XK: variants seen among roughly 807,000 people sequenced by gnomAD.
XK encodes endoplasmic reticulum membrane adapter protein XK.
Under a neutral mutation model 14.0 loss-of-function variants are expected in XK, and 2 were observed. The ratio of observed to expected loss-of-function variants is 0.14; its 90% CI spans 0.06 to 0.45. The LOEUF is 0.45. Among genes scored for constraint, XK ranks in the 20% least tolerant of loss-of-function variants. The probability of loss-of-function intolerance (pLI) is 0.98; values close to 1 mark genes in which losing one functional copy is unlikely to be tolerated. For missense variants in XK, 235 were observed against 341.5 expected (o/e 0.69, Z 2.46); for synonymous variants, 149 against 147.5 (o/e 1.01, Z -0.08).
Position 37,692,972 on chromosome X carries a change from A to C in XK, c.246-1314A>C, listed in dbSNP as rs868950118. Among the ~76,000 whole-genome samples, 156 of 107,785 alleles carry C rather than the reference A, an allele frequency of 1.4e-3. 1 individual carries two copies. The highest frequency in any genetic ancestry group is 4.1e-3 in the African/African-American group (122 of 29,478). The allele number at this position is 107,785 out of a possible 115,157, so 93.6% of individuals were successfully genotyped here. A position where few individuals can be genotyped will look rare whatever the true frequency, so the allele number is the denominator to read the frequency against. On this transcript the variant is annotated intron_variant, in intron 1 of 2. Coordinates refer to ENST00000378616, the MANE Select transcript of XK (RefSeq NM_021083.4). ...GTCGTACACAAATCAACCCCCCCCC[A>C]CACACACACCCACACACACCATACA...
chrX:37,727,448 G>A (rs782166332), intron 2 of XK, among the ~76,000 whole-genome samples, 188 bp from the exon 3 acceptor site: 1 of 111,365 alleles, frequency 9.0e-6, no homozygotes, highest in Non-Finnish European at 1.9e-5. Context: ...GCACCTGGAT[G>A]CAGCAGCTTT....
chrX:37,688,057 TTC>T (rs1479762999), intron 1 of XK, among the ~76,000 whole-genome samples: 963 of 62,133 alleles, frequency 0.015, 31 homozygotes, highest in African/African-American at 0.086. Context: ...CTTTCTTTCT[TTC>T]TTTTTTTTTT....
intron 2 of XK, among the ~76,000 whole-genome samples, chrX:37,709,291 T>A (rs1202760759): frequency 1.8e-5 from 2 of 112,389 alleles, no homozygotes; most frequent in African/African-American, 6.5e-5. Context: ...TCTTCAGTTA[T>A]CTAAAGATTT....
At chrX:37,707,466 G>A (rs1927558772) in intron 2 of XK, among the ~76,000 whole-genome samples, 3 of 106,501 alleles carry the variant, frequency 2.8e-5, no homozygotes, top group African/African-American at 1.0e-4. Flanking sequence ...GCTGCCGGGC[G>A]CAGGGGCTCC....
Position 37,727,918 on chromosome X carries a change from C to A in XK, c.791C>A (p.Pro264His). 2.5e-6 allele frequency: 3 copies of A among 1,211,239 alleles called. No individual in the cohort carries two copies. The highest frequency in any genetic ancestry group is 3.4e-6 in the Non-Finnish European group (3 of 895,343). Residue 264 changes from proline to histidine, a missense_variant, in exon 3 of 3, where the codon CCT becomes CAT. By Grantham distance (77) the Pro-to-His change is moderately conservative. Transcript: ENST00000378616. ...TTCTGGTGCAGTGGTTCCCCATTCC[C>A]TGAGAACATAGAGAAGGCCCTCAGT... is the stretch of plus-strand genomic sequence containing the variant. The part of the protein sequence containing the change: ...ILFWCSGSPF[P>H]ENIEKALSRV...
chrX:37,725,324 G>A (rs781900634), intron 2 of XK, among the ~76,000 whole-genome samples: 35 of 111,748 alleles, frequency 3.1e-4, no homozygotes, highest in Non-Finnish European at 5.8e-4. Context: ...AGGTAACTAT[G>A]TGAGGTGATA....
intron 1 of XK, among the ~76,000 whole-genome samples, chrX:37,687,427 C>G (rs1226370300): frequency 9.1e-6 from 1 of 110,072 alleles, no homozygotes; most frequent in South Asian, 4.0e-4. Context: ...GCCATCATGC[C>G]TGGCTAATTT....
chrX:37,724,622 A>T (rs1296783511), intron 2 of XK, among the ~76,000 whole-genome samples: 4 of 111,556 alleles, frequency 3.6e-5, no homozygotes, highest in Non-Finnish European at 7.6e-5. Context: ...CAAAGGCATG[A>T]TCCATAAAAG....
chrX:37,686,223 A>C lies in XK; in HGVS notation c.245+17A>C. On this transcript the variant is annotated intron_variant, in intron 1 of 2. Coordinates refer to ENST00000378616, the MANE Select transcript of XK (RefSeq NM_021083.4). Reference sequence around the variant, plus strand: ...CCTTTTCAGGTGCGTGCAGAAGCCCAGAGCCAGCCCCAGGCCGCAGCCTCG... The same window carrying C: ...CCTTTTCAGGTGCGTGCAGAAGCCCCGAGCCAGCCCCAGGCCGCAGCCTCG... 8.3e-7 allele frequency: 1 copy of C among 1,204,441 alleles called. No individual in the cohort carries two copies. The highest frequency in any genetic ancestry group is 1.1e-6 in the Non-Finnish European group (1 of 894,128).
intron 2 of XK, among the ~76,000 whole-genome samples, chrX:37,699,303 T>C (rs1331888320): frequency 8.9e-6 from 1 of 112,282 alleles, no homozygotes; most frequent in Non-Finnish European, 1.9e-5. Flanking sequence ...TGGATCTCCA[T>C]TTGTCTTGGT....
In XK at chrX:37,690,445, A is replaced by G. The variant is rs1299322043; in HGVS notation, c.246-3841A>G. Among the ~76,000 whole-genome samples the G allele has an allele frequency of 4.4e-5, 5 of 112,525 alleles. No homozygotes were observed. In the Admixed American group the frequency reaches 4.7e-4, roughly 11 times the overall value. On this transcript the variant is annotated intron_variant, in intron 1 of 2. Transcript: ENST00000378616. The stretch of plus-strand genomic sequence containing the variant: ...GGGTCTCTGGTACCACAGATTATTT[A>G]TGCTCACATCAGCATGCATGATTTC...
intron 2 of XK, among the ~76,000 whole-genome samples, chrX:37,712,736 A>G (rs782576281): frequency 8.9e-6 from 1 of 111,945 alleles, no homozygotes; most frequent in South Asian, 3.8e-4. Flanking sequence ...TCTGGCACAT[A>G]TGACCACTCA....
chrX:37,729,645 T>C lies in XK; in HGVS notation c.*1183T>C, dbSNP rs782076396. On this transcript the variant is annotated 3_prime_UTR_variant, in exon 3 of 3. Coordinates refer to ENST00000378616, the MANE Select transcript of XK (RefSeq NM_021083.4). ...GAGGATTGGGTAGCATATCCTCAAT[T>C]ATCTTGGAAAAATGCGTAGATCTAG... is the stretch of plus-strand genomic sequence containing the variant. The C allele has an allele frequency of 1.6e-4, 18 of 111,650 alleles. No individual in the cohort carries two copies. Among genetic ancestry groups the C allele is most frequent in the Admixed American group, 9.5e-4 (10 of 10,478 alleles). 9.2% of individuals were successfully genotyped at this position (111,650 alleles called of 1,213,427 possible).
rs1928066431 is a variant in XK at position 37,730,550 on chromosome X, C to A, written c.*2088C>A. 2 of 112,428 alleles carry A rather than the reference C, an allele frequency of 1.8e-5. No individual in the cohort carries two copies. Among genetic ancestry groups the A allele is most frequent in the Admixed American group, 1.9e-4 (2 of 10,659 alleles). The allele number at this position is 112,428 out of a possible 1,213,427, so 9.3% of individuals were successfully genotyped here. Reference sequence around the variant, plus strand: ...TTCATTGACACCAAATATTTTCAAGCTTTTTGTGAGAAAGAGATTCTTGCC... The same window carrying A: ...TTCATTGACACCAAATATTTTCAAGATTTTTGTGAGAAAGAGATTCTTGCC... On this transcript the variant is annotated 3_prime_UTR_variant, in exon 3 of 3. Coordinates refer to ENST00000378616, the MANE Select transcript of XK (RefSeq NM_021083.4).
chrX:37,694,676 A>G, intron 2 of XK, 128 bp downstream of exon 2: 2 of 977,126 alleles, frequency 2.0e-6, no homozygotes, highest in Non-Finnish European at 2.8e-6. Context: ...TCTAGTTACT[A>G]TGCTCAAAAC....
chrX:37,715,136 ATGTG>A (rs57217449), intron 2 of XK, among the ~76,000 whole-genome samples: 1 of 108,381 alleles, frequency 9.2e-6, no homozygotes, highest in East Asian at 2.9e-4. Context: ...ATATACAAAT[ATGTG>A]TGTGTGTGTG....
At chrX:37,725,316 G>A (rs928541902) in intron 2 of XK, among the ~76,000 whole-genome samples, 1 of 111,601 alleles carries the variant, frequency 9.0e-6, no homozygotes, top group African/African-American at 3.3e-5. Flanking sequence ...CACAGAAAAG[G>A]TAACTATGTG....
intron 1 of XK, 48 bp downstream of exon 1, chrX:37,686,254 G>A: frequency 8.4e-7 from 1 of 1,191,465 alleles, no homozygotes; most frequent in Non-Finnish European, 1.1e-6. Flanking sequence ...CCTCGGTCCT[G>A]TAGCCTGATC....
intron 2 of XK, among the ~76,000 whole-genome samples, chrX:37,713,743 A>G (rs1299699447): frequency 1.8e-5 from 2 of 109,972 alleles, no homozygotes; most frequent in Non-Finnish European, 3.8e-5. Context: ...TTGACCCTAC[A>G]GAACAGCTGG....
Sources: gnomAD v4.1 joint callset for allele counts (sites outside exome capture counted in the v4.1 genomes callset) on GRCh38, gnomAD v4.1.1 for gene constraint, MANE v1.5 for transcripts, NCBI Gene and HGNC (gene_info 2026-07-23, HGNC 2026-07-21) for gene names.